The following TLL2 variants were observed in gnomAD, a reference collection of about 807,000 sequenced individuals.
TLL2 encodes tolloid like 2, also known as tolloid-like protein 2.
A neutral mutation model predicts 123.0 loss-of-function variants in TLL2; 106 were observed. That is an observed-to-expected ratio of 0.86 (90% CI 0.74 to 1.01). The LOEUF (loss-of-function observed/expected upper bound fraction) is 1.01, where lower values mean the gene tolerates loss of function less well. Among genes scored for constraint, TLL2 ranks in the 50% least tolerant of loss-of-function variants. The pLI, the probability that TLL2 is intolerant of heterozygous loss-of-function variation, is 0.00. For synonymous variants in TLL2, 494 were observed against 516.8 expected, an observed-to-expected ratio of 0.96 and a Z score of 0.60; for missense variants, 1,332 against 1,336.7, an observed-to-expected ratio of 1.00 and a Z score of 0.06.
At chr10:96,498,311 C>T (rs1847498457) in intron 1 of TLL2, among the ~76,000 whole-genome samples, 1 of 152,192 alleles carries the variant, frequency 6.6e-6, no homozygotes, top group Non-Finnish European at 1.5e-5. Context: ...GTTACTGCCC[C>T]TCCCAGGCCT....
At chr10:96,378,542 C>T (rs908930065) in intron 17 of TLL2, among the ~76,000 whole-genome samples, 2 of 152,218 alleles carry the variant, frequency 1.3e-5, no homozygotes, top group Non-Finnish European at 2.9e-5. Context: ...TAACATGTGT[C>T]AGAGAGTCTG....
chr10:96,503,117 T>A (rs1847550173), intron 1 of TLL2, among the ~76,000 whole-genome samples: 1 of 152,136 alleles, frequency 6.6e-6, no homozygotes, highest in Non-Finnish European at 1.5e-5. Flanking sequence ...CTCTCCCTGC[T>A]TCATGGGTGA....
At chr10:96,476,248 T>TTTTTTTTGTTGTTGTTGTTG (rs1285354320) in intron 2 of TLL2, among the ~76,000 whole-genome samples, 3 of 69,244 alleles carry the variant, frequency 4.3e-5, no homozygotes, top group African/African-American at 1.9e-4. Flanking sequence ...ATATTTTATT[T>TTTTTTTTGTTGTTGTTGTTG]TTGTTGTTGT....
chr10:96,461,426 C>T (rs549011760), intron 2 of TLL2, among the ~76,000 whole-genome samples: 3 of 152,230 alleles, frequency 2.0e-5, no homozygotes, highest in South Asian at 2.1e-4. Context: ...CATGGAGGTG[C>T]GGATGAGGGC....
At chr10:96,498,943 A>G (rs553869474) in intron 1 of TLL2, among the ~76,000 whole-genome samples, 1 of 152,254 alleles carries the variant, frequency 6.6e-6, no homozygotes, top group East Asian at 1.9e-4. Flanking sequence ...AAAAAAATAG[A>G]CTTCTAGCTT....
At chr10:96,403,130 C>T (rs1846411683) in intron 10 of TLL2, among the ~76,000 whole-genome samples, 1 of 152,180 alleles carries the variant, frequency 6.6e-6, no homozygotes, top group Non-Finnish European at 1.5e-5. Flanking sequence ...CATCTGGCTC[C>T]TGGTCACTTC....
At chr10:96,443,341 G>T (rs1244840454) in intron 3 of TLL2, among the ~76,000 whole-genome samples, 1 of 152,194 alleles carries the variant, frequency 6.6e-6, no homozygotes, top group Non-Finnish European at 1.5e-5. Flanking sequence ...GGCAACTTCT[G>T]TTCCTTCCCT....
At chr10:96,466,520 C>T (rs12260223) in intron 2 of TLL2, among the ~76,000 whole-genome samples, 26,801 of 152,212 alleles carry the variant, frequency 0.18, 2,671 homozygotes, top group East Asian at 0.45. Flanking sequence ...CAGGTTGTGT[C>T]CTCAGCCCTT....
chr10:96,476,240 A>ATATATATATATATTTTTTTTTTTTTTT lies in TLL2; in HGVS notation c.286+4108_286+4109insAAAAAAAAAAAAAAATATATATATATA. Among the ~76,000 whole-genome samples, 14 of 20,452 alleles carry ATATATATATATATTTTTTTTTTTTTTT rather than the reference A, an allele frequency of 6.8e-4. 1 individual carries two copies. Among genetic ancestry groups the ATATATATATATATTTTTTTTTTTTTTT allele is most frequent in the Non-Finnish European group, 1.4e-3 (14 of 9,984 alleles). The allele number at this position is 20,452 out of a possible 152,430, so 13.4% of individuals were successfully genotyped here. ...TTTATATGTATATATATATATATATATTTTATTTTTGTTGTTGTTGTTGTT... is the reference window on the plus strand; with the variant it reads ...TTTATATGTATATATATATATATATATATATATATATATTTTTTTTTTTTTTTTTTTATTTTTGTTGTTGTTGTTGTT... On this transcript the variant is annotated intron_variant, in intron 2 of 20. Transcript: ENST00000357947.
At chr10:96,483,397 C>T (rs190679946) in intron 1 of TLL2, among the ~76,000 whole-genome samples, 1 of 152,352 alleles carries the variant, frequency 6.6e-6, no homozygotes, top group Admixed American at 6.5e-5. Context: ...CCTCTTGCAA[C>T]ATGTGTCCAG....
At chr10:96,390,754 C>T (rs1396691639) in intron 13 of TLL2, among the ~76,000 whole-genome samples, 1 of 152,232 alleles carries the variant, frequency 6.6e-6, no homozygotes, top group Non-Finnish European at 1.5e-5. Context: ...GCTGGGGAAG[C>T]TGGCTGGGTA....
At position 96,421,020 on chromosome 10, in the gene TLL2, TCACTTCCC is replaced by T. The variant is rs1405939576; in HGVS notation, c.851_858del (p.Gly284GlufsTer10). The T allele has an allele frequency of 1.1e-5, 18 of 1,613,940 alleles. No homozygotes were observed. The highest frequency in any genetic ancestry group is 1.4e-5 in the Non-Finnish European group (16 of 1,179,976). ...AAGTCGTATGTCTCTCCCAGAGAGCTCACTTCCCCAGCTTCCATTTTTAAGAAATTATA... is the reference window on the plus strand; with the variant it reads ...AAGTCGTATGTCTCTCCCAGAGAGCTCAGCTTCCATTTTTAAGAAATTATA... On this transcript the variant is annotated frameshift_variant, in exon 7 of 21. Coordinates refer to ENST00000357947, the MANE Select transcript of TLL2 (RefSeq NM_012465.4). LOFTEE classifies it high-confidence loss of function.
chr10:96,476,877 C>CACACACACACACACAG (rs1847261431), intron 2 of TLL2, among the ~76,000 whole-genome samples: 5 of 149,676 alleles, frequency 3.3e-5, no homozygotes, highest in African/African-American at 9.9e-5. Context: ...CACACACACA[C>CACACACACACACACAG]ACACACACAC....
At chr10:96,396,098 G>C in intron 11 of TLL2, 78 bp from the exon 12 acceptor site, 3 of 1,544,848 alleles carry the variant, frequency 1.9e-6, no homozygotes, top group Non-Finnish European at 2.6e-6. Flanking sequence ...GGGGAGGCGG[G>C]GGGAACAGCG....
chr10:96,368,993 T>G (rs12245169), intron 20 of TLL2, among the ~76,000 whole-genome samples: 16,200 of 152,268 alleles, frequency 0.11, 960 homozygotes, highest in African/African-American at 0.13. Flanking sequence ...TGAAAGAAGA[T>G]GAAGGGAATT....
intron 2 of TLL2, among the ~76,000 whole-genome samples, chr10:96,446,661 CTG>C (rs1382485389): frequency 2.0e-5 from 3 of 152,312 alleles, no homozygotes; most frequent in African/African-American, 7.2e-5. Flanking sequence ...CGGGTTTCCT[CTG>C]TGGGGTAAGC....
intron 13 of TLL2, 111 bp from the exon 14 acceptor site, chr10:96,387,189 C>T: frequency 6.8e-7 from 1 of 1,474,380 alleles, no homozygotes; most frequent in African/African-American, 1.4e-5. Context: ...AAACAGGAGC[C>T]ACTCCTGGTG....
chr10:96,431,443 C>G (rs927413322), intron 4 of TLL2, among the ~76,000 whole-genome samples: 2 of 152,244 alleles, frequency 1.3e-5, no homozygotes, highest in Admixed American at 1.3e-4. Flanking sequence ...GGGAATCTGC[C>G]TTCATCAGCC....
rs1285354320 is a variant in TLL2 at position 96,476,248 on chromosome 10, T to TTTTTTTTTTTTGTTGTTG, written c.286+4100_286+4101insCAACAACAAAAAAAAAAA. Among the ~76,000 whole-genome samples the TTTTTTTTTTTTGTTGTTG allele has an allele frequency of 6.1e-4, 42 of 69,236 alleles. 3 individuals are homozygous for TTTTTTTTTTTTGTTGTTG. Among genetic ancestry groups the TTTTTTTTTTTTGTTGTTG allele is most frequent in the African/African-American group, 2.5e-3 (40 of 16,064 alleles). The allele number at this position is 69,236 out of a possible 152,430, so 45.4% of individuals were successfully genotyped here. ...TATATATATATATATATATTTTATT[T>TTTTTTTTTTTTGTTGTTG]TTGTTGTTGTTGTTGTTGTTGAGAC... On this transcript the variant is annotated intron_variant, in intron 2 of 20. Coordinates refer to ENST00000357947, the MANE Select transcript of TLL2 (RefSeq NM_012465.4).
Sources: gnomAD v4.1 joint callset for allele counts (sites outside exome capture counted in the v4.1 genomes callset) on GRCh38, gnomAD v4.1.1 for gene constraint, MANE v1.5 for transcripts, NCBI Gene and HGNC (gene_info 2026-07-23, HGNC 2026-07-21) for gene names.